REEP1: variants seen among roughly 807,000 people sequenced by gnomAD.
The protein encoded by REEP1 is receptor accessory protein 1.
Under a neutral mutation model 40.3 loss-of-function variants are expected in REEP1, and 22 were observed. That is an observed-to-expected ratio of 0.55 (90% CI 0.39 to 0.78). The LOEUF (loss-of-function observed/expected upper bound fraction) is 0.78, where lower values mean the gene tolerates loss of function less well. Ranked by LOEUF, REEP1 falls within the 30% of genes least tolerant of loss-of-function variation. REEP1 has a pLI of 0.00. For synonymous variants in REEP1, 116 were observed against 139.2 expected, an observed-to-expected ratio of 0.83 and a Z score of 1.17; for missense variants, 280 against 361.1, an observed-to-expected ratio of 0.78 and a Z score of 1.82.
intron 1 of REEP1, among the ~76,000 whole-genome samples, chr2:86,321,186 A>T (rs756391556): frequency 6.6e-6 from 1 of 152,254 alleles, no homozygotes; most frequent in Non-Finnish European, 1.5e-5. Flanking sequence ...TGCTAGAAGA[A>T]GAGGGGAGAA....
intron 1 of REEP1, among the ~76,000 whole-genome samples, chr2:86,318,941 T>C (rs1680156640): frequency 6.6e-6 from 1 of 152,220 alleles, no homozygotes. Context: ...ATCAAAAGTG[T>C]AATCAATATA....
chr2:86,289,117 A>T lies in REEP1; in HGVS notation c.33-6875T>A, dbSNP rs376775007. 9.2e-5 allele frequency among the ~76,000 whole-genome samples: 14 copies of T among 151,870 alleles called. No individual in the cohort carries two copies. In the East Asian group the frequency reaches 1.9e-3, roughly 21 times the overall value. On this transcript the variant is annotated intron_variant, in intron 1 of 8. Transcript: ENST00000538924. ...AGACAAATATATCAGTCTTTTCCAGATTTTTTCTATCTTGTTGAGAAAATC... is the reference window on the plus strand; with the variant it reads ...AGACAAATATATCAGTCTTTTCCAGTTTTTTTCTATCTTGTTGAGAAAATC...
At chr2:86,283,722 T>G (rs1558913443) in intron 1 of REEP1, among the ~76,000 whole-genome samples, 1 of 152,166 alleles carries the variant, frequency 6.6e-6, no homozygotes, top group Non-Finnish European at 1.5e-5. Context: ...GCGAAGTGCT[T>G]TAGAGCTTTA....
chr2:86,231,911 C>T (rs546148859), intron 6 of REEP1, among the ~76,000 whole-genome samples: 2 of 152,356 alleles, frequency 1.3e-5, no homozygotes, highest in African/African-American at 4.8e-5. Flanking sequence ...CCCAGACCTA[C>T]TGAAGCCTCT....
At chr2:86,276,470 T>C (rs116087097) in intron 2 of REEP1, among the ~76,000 whole-genome samples, 147 of 152,338 alleles carry the variant, frequency 9.6e-4, no homozygotes, top group Non-Finnish European at 1.6e-3. Flanking sequence ...AGGACCCTCC[T>C]TTATAGCAAA....
intron 1 of REEP1, among the ~76,000 whole-genome samples, chr2:86,306,908 T>A (rs1404937142): frequency 6.6e-6 from 1 of 151,820 alleles, no homozygotes; most frequent in Admixed American, 6.6e-5. Flanking sequence ...AAAACCCTTT[T>A]GAAAAGCCAC....
chr2:86,298,167 G>A (rs1454377614), intron 1 of REEP1, among the ~76,000 whole-genome samples: 1 of 152,180 alleles, frequency 6.6e-6, no homozygotes, highest in African/African-American at 2.4e-5. Context: ...TTGATGGATT[G>A]GTTGGTTTGG....
intron 7 of REEP1, 121 bp downstream of exon 7, chr2:86,227,242 T>C: frequency 1.3e-6 from 1 of 750,288 alleles, no homozygotes. Context: ...GTTAACCTCC[T>C]GACCCCTCCC....
intron 2 of REEP1, among the ~76,000 whole-genome samples, chr2:86,273,711 C>T (rs1171223316): frequency 6.6e-6 from 1 of 152,186 alleles, no homozygotes; most frequent in East Asian, 1.9e-4. Flanking sequence ...TTTCAGCCCT[C>T]AGATCTCAGC....
At chr2:86,241,393 A>T (rs1004615631) in intron 5 of REEP1, among the ~76,000 whole-genome samples, 7 of 152,190 alleles carry the variant, frequency 4.6e-5, no homozygotes, top group African/African-American at 1.7e-4. Context: ...GGTGACAGGT[A>T]CTTGTGATCC....
intron 1 of REEP1, chr2:86,297,722 T>G: frequency 1.0e-6 from 1 of 985,272 alleles, no homozygotes; most frequent in Non-Finnish European, 1.2e-6. Context: ...ACTGTCTCAG[T>G]GGAATCATAA....
chr2:86,279,646 A>T (rs1182586418), intron 2 of REEP1, among the ~76,000 whole-genome samples: 1 of 152,206 alleles, frequency 6.6e-6, no homozygotes, highest in African/African-American at 2.4e-5. Flanking sequence ...AACCTTTCCC[A>T]GTGAGCCTGA....
chr2:86,302,033 C>T (rs1679274427), intron 1 of REEP1, among the ~76,000 whole-genome samples: 1 of 152,252 alleles, frequency 6.6e-6, no homozygotes, highest in Non-Finnish European at 1.5e-5. Context: ...ATAAAGCCAG[C>T]CCAGCTTCCT....
intron 1 of REEP1, among the ~76,000 whole-genome samples, chr2:86,288,387 G>A (rs112959636): frequency 0.022 from 3,284 of 152,218 alleles, 49 homozygotes; most frequent in Middle Eastern, 0.037. Flanking sequence ...CGAACTCCTG[G>A]ATTCACTGAT....
chr2:86,217,184 G>A, intron 8 of REEP1, 74 bp from the exon 9 acceptor site: 1 of 1,306,178 alleles, frequency 7.7e-7, no homozygotes, highest in Middle Eastern at 1.8e-4. Flanking sequence ...CACCTGGAAG[G>A]CATTGTGTTG....
In REEP1 at chr2:86,288,107, C is replaced by T. The variant is rs567283217; in HGVS notation, c.33-5865G>A. Reference sequence around the variant, plus strand: ...GCACAATCTCAGCTCACTACAACCTCCACCTCCCAGGTTCAAGGGATTCTC... The same window carrying T: ...GCACAATCTCAGCTCACTACAACCTTCACCTCCCAGGTTCAAGGGATTCTC... On this transcript the variant is annotated intron_variant, in intron 1 of 8. Coordinates refer to ENST00000538924, the MANE Select transcript of REEP1 (RefSeq NM_001371279.1). 1.5e-4 allele frequency among the ~76,000 whole-genome samples: 23 copies of T among 151,476 alleles called. No individual in the cohort carries two copies. The East Asian group carries it at 3.3e-3, about 22-fold the overall frequency.
At chr2:86,298,506 C>A (rs1200977312) in intron 1 of REEP1, among the ~76,000 whole-genome samples, 1 of 152,206 alleles carries the variant, frequency 6.6e-6, no homozygotes, top group African/African-American at 2.4e-5. Context: ...ATGAAGAGAG[C>A]ACCGTGTCGA....
chr2:86,240,503 C>T (rs528436375), intron 5 of REEP1, among the ~76,000 whole-genome samples: 4 of 152,266 alleles, frequency 2.6e-5, no homozygotes, highest in Non-Finnish European at 2.9e-5. Context: ...GGGGAAGGCA[C>T]GTGCTGGCGG....
chr2:86,298,241 G>A (rs1202372917), intron 1 of REEP1, among the ~76,000 whole-genome samples: 3 of 152,160 alleles, frequency 2.0e-5, no homozygotes, highest in Admixed American at 2.0e-4. Flanking sequence ...AAGGTGCCTG[G>A]CCAGGACCCA....
Sources: gnomAD v4.1 joint callset for allele counts (sites outside exome capture counted in the v4.1 genomes callset) on GRCh38, gnomAD v4.1.1 for gene constraint, MANE v1.5 for transcripts, NCBI Gene and HGNC (gene_info 2026-07-23, HGNC 2026-07-21) for gene names.